SZT2: variants seen among roughly 807,000 people sequenced by gnomAD.
SZT2 encodes the protein KICSTOR complex protein SZT2.
In SZT2, 216 loss-of-function variants were observed where a neutral mutation model predicts 404.2. The observed-to-expected ratio is 0.53, with a 90% CI of 0.48 to 0.60. SZT2 has a LOEUF of 0.60. Among genes scored for constraint, SZT2 ranks in the 20% least tolerant of loss-of-function variants. SZT2 has a pLI of 0.00. For synonymous variants in SZT2, 1,693 were observed against 1,749.9 expected (o/e 0.97, Z 0.81); for missense variants, 3,857 against 4,459.2 (o/e 0.86, Z 3.85).
intron 62 of SZT2, chr1:43,445,500 A>C: frequency 3.5e-6 from 1 of 286,380 alleles, no homozygotes; most frequent in Non-Finnish European, 6.9e-6. Context: ...ATCCCCCCCA[A>C]TCAAAAGACA....
chr1:43,402,078 T>C (rs1366335726), intron 1 of SZT2, among the ~76,000 whole-genome samples: 2 of 152,232 alleles, frequency 1.3e-5, no homozygotes, highest in Admixed American at 1.3e-4. Context: ...AATTCTTCAC[T>C]TTCTTTCAAC....
chr1:43,429,773 C>A lies in SZT2; in HGVS notation c.4237C>A (p.Pro1413Thr), dbSNP rs369758668. 1.2e-6 allele frequency: 2 copies of A among 1,614,072 alleles called. No homozygotes were observed. Among genetic ancestry groups the A allele is most frequent in the African/African-American group, 2.7e-5 (2 of 74,942 alleles). ...TRVPGIPDPG[P>T]EISLTDVCQL... ...TGTCCCTGGCATTCCAGACCCTGGGCCAGAGATCTCTCTGACAGATGTCTG... is the reference window on the plus strand; with the variant it reads ...TGTCCCTGGCATTCCAGACCCTGGGACAGAGATCTCTCTGACAGATGTCTG... Residue 1413 changes from proline to threonine, a missense_variant, in exon 29 of 72, where the codon CCA (proline) becomes ACA (threonine). Physicochemically the swap from Pro to Thr is conservative, Grantham distance 38 (BLOSUM62 -1). Transcript: ENST00000634258.
At chr1:43,407,458 A>G (rs1392677717) in intron 4 of SZT2, among the ~76,000 whole-genome samples, 2 of 151,996 alleles carry the variant, frequency 1.3e-5, no homozygotes, top group Non-Finnish European at 2.9e-5. Flanking sequence ...AGAGGTTGCC[A>G]TGAGCCAAGA....
rs758551979 is a variant in SZT2 at position 43,403,603 on chromosome 1, T to C, written c.156T>C (p.Leu52=). ...TTTCTTTCCATCCTAATTTTCAGCTTCAGTCTGAACAGGAATTGGAAGTCC... is the reference window on the plus strand; with the variant it reads ...TTTCTTTCCATCCTAATTTTCAGCTCCAGTCTGAACAGGAATTGGAAGTCC... ...TVQATPQEML[L]QSEQELEVLS... is the part of the protein sequence containing the mutation. The change falls in exon 3 of 72, where the codon CTT becomes CTC. Residue 52 remains leucine, a splice_region_variant and synonymous_variant. Transcript: ENST00000634258. 1 of 1,609,396 alleles carries C rather than the reference T, an allele frequency of 6.2e-7. No homozygotes were observed. The highest frequency in any genetic ancestry group is 8.5e-7 in the Non-Finnish European group (1 of 1,176,162).
chr1:43,443,865 C>G (rs954903918), intron 62 of SZT2, 69 bp downstream of exon 62: 1 of 1,585,964 alleles, frequency 6.3e-7, no homozygotes, highest in Admixed American at 1.7e-5. Context: ...ACAGGCCCTT[C>G]CTCTCTTTAC....
intron 51 of SZT2, 54 bp downstream of exon 51, chr1:43,440,102 G>A: frequency 6.2e-7 from 1 of 1,605,444 alleles, no homozygotes; most frequent in Non-Finnish European, 8.5e-7. Flanking sequence ...ATCCAAGCAG[G>A]ACAGTGTGGC....
rs748315953 is a variant in SZT2 at position 43,452,360 on chromosome 1, C to T, written c.*1880C>T. 9 of 1,458,382 alleles carry T rather than the reference C, an allele frequency of 6.2e-6. No homozygotes were observed. Among genetic ancestry groups the T allele is most frequent in the Non-Finnish European group, 7.6e-6 (8 of 1,046,250 alleles). 90.3% of individuals were successfully genotyped at this position (1,458,382 alleles called of 1,614,324 possible). Reference sequence around the variant, plus strand: ...ACTGGAGGCCTTGCCTCCCTTGGCTCTCTCTGCACCTCTTCCAGGATTCCC... The same window carrying T: ...ACTGGAGGCCTTGCCTCCCTTGGCTTTCTCTGCACCTCTTCCAGGATTCCC... On this transcript the variant is annotated 3_prime_UTR_variant, in exon 72 of 72. Transcript: ENST00000634258.
Position 43,443,252 on chromosome 1 carries a change from C to G in SZT2, c.8484C>G (p.Ala2828=). The change falls in exon 60 of 72, where the codon GCC becomes GCG. Residue 2828 remains alanine, a synonymous_variant. Transcript: ENST00000634258. ...FVTWQQRSTP[A]TMPISAGELE... Reference sequence around the variant, plus strand: ...CCTGGCAGCAGCGTTCTACCCCAGCCACCATGCCCATCAGTGTGAGTGACC... The same window carrying G: ...CCTGGCAGCAGCGTTCTACCCCAGCGACCATGCCCATCAGTGTGAGTGACC... The G allele has an allele frequency of 6.2e-7, 1 of 1,614,194 alleles. No homozygotes were observed. Among genetic ancestry groups the G allele is most frequent in the Non-Finnish European group, 8.5e-7 (1 of 1,180,016 alleles).
In SZT2 at chr1:43,439,256, C is replaced by T. The variant is rs1654803196; in HGVS notation, c.6793-102C>T. ...TATTACCCGCCTGTGTCTTCTCATGCTCCCATATCTACCTGCACCACATTC... is the reference window on the plus strand; with the variant it reads ...TATTACCCGCCTGTGTCTTCTCATGTTCCCATATCTACCTGCACCACATTC... On this transcript the variant is annotated intron_variant, in intron 48 of 71. Coordinates refer to ENST00000634258, the MANE Select transcript of SZT2 (RefSeq NM_001365999.1). The surrounding 1 kb of genome is among the most constrained non-coding windows in gnomAD (Gnocchi z 4.2). 2 of 1,522,546 alleles carry T rather than the reference C, an allele frequency of 1.3e-6. No individual in the cohort carries two copies. Among genetic ancestry groups the T allele is most frequent in the Admixed American group, 1.7e-5 (1 of 59,374 alleles). The allele number at this position is 1,522,546 out of a possible 1,614,324, so 94.3% of individuals were successfully genotyped here.
In SZT2 at chr1:43,424,007, C is replaced by G. The variant is rs1215909636; in HGVS notation, c.2256-210C>G. 7.6e-5 allele frequency among the ~76,000 whole-genome samples: 8 copies of G among 105,086 alleles called. No homozygotes were observed. Among genetic ancestry groups the G allele is most frequent in the Admixed American group, 9.6e-5 (1 of 10,372 alleles). The allele number at this position is 105,086 out of a possible 152,430, so 68.9% of individuals were successfully genotyped here. A position where few individuals can be genotyped will look rare whatever the true frequency, so the allele number is the denominator to read the frequency against. ...GAGGCATGGAAGGGCGTGGCTTAGC[C>G]GGGTATGAGTGGTACAGAGGTGTGG... On this transcript the variant is annotated intron_variant, in intron 15 of 71. Transcript: ENST00000634258. The surrounding 1 kb of genome is among the most constrained non-coding windows in gnomAD (Gnocchi z 4.1).
rs1403496023 is a variant in SZT2, at chr1:43,425,212, G to A, written c.2645+5G>A. 1 of 1,614,010 alleles carries A rather than the reference G, an allele frequency of 6.2e-7. No individual in the cohort carries two copies. Among genetic ancestry groups the A allele is most frequent in the Non-Finnish European group, 8.5e-7 (1 of 1,180,008 alleles). ...CTCTACCTCCACCAAAGACAGGTGAGACAGGCCATCTGTGAGGGCCGCCTC... is the reference window on the plus strand; with the variant it reads ...CTCTACCTCCACCAAAGACAGGTGAAACAGGCCATCTGTGAGGGCCGCCTC... On this transcript the variant is annotated splice_donor_5th_base_variant and intron_variant, in intron 18 of 71. Transcript: ENST00000634258. The surrounding 1 kb of genome is among the most constrained non-coding windows in gnomAD (Gnocchi z 4.3).
chr1:43,440,481 T>C lies in SZT2; in HGVS notation c.7239T>C (p.Thr2413=). ...GTCTCAGGAACGGATCGTTGGAAACTAAGAGCTCTGCAGGCCGAGCTAGCA... is the reference window on the plus strand; with the variant it reads ...GTCTCAGGAACGGATCGTTGGAAACCAAGAGCTCTGCAGGCCGAGCTAGCA... The part of the protein sequence containing the change: ...TGSLRNGSLE[T]KSSAGRASTF... The change falls in exon 52 of 72, where the codon ACT becomes ACC. Residue 2413 remains threonine, a synonymous_variant. Coordinates refer to ENST00000634258, the MANE Select transcript of SZT2 (RefSeq NM_001365999.1). 1 of 1,603,520 alleles carries C rather than the reference T, an allele frequency of 6.2e-7. No individual in the cohort carries two copies. Among genetic ancestry groups the C allele is most frequent in the Non-Finnish European group, 8.5e-7 (1 of 1,175,388 alleles).
In SZT2 at chr1:43,403,633, T is replaced by C. The variant is rs747870250; in HGVS notation, c.186T>C (p.Ser62=). The change falls in exon 3 of 72, where the codon AGT becomes AGC. Residue 62 remains serine, a synonymous_variant. Coordinates refer to ENST00000634258, the MANE Select transcript of SZT2 (RefSeq NM_001365999.1). ...CTGAACAGGAATTGGAAGTCCTCAG[T>C]GTCCTGCCCCCTGGGTGGCAGCCAG... ...LQSEQELEVL[S]VLPPGWQPDE... 1 of 1,614,050 alleles carries C rather than the reference T, an allele frequency of 6.2e-7. No homozygotes were observed. The highest frequency in any genetic ancestry group is 8.5e-7 in the Non-Finnish European group (1 of 1,179,928).
In SZT2 at chr1:43,442,753, C is replaced by T; in HGVS notation, c.8152-66C>T. On this transcript the variant is annotated intron_variant, in intron 58 of 71. Coordinates refer to ENST00000634258, the MANE Select transcript of SZT2 (RefSeq NM_001365999.1). This position sits in a 1 kb window ranked among gnomAD's most constrained non-coding sequence, Gnocchi z 4.5. ...GGGAGGGAGAGTCTGAGAGAGGAAGCCCTGGGATGAGAGAGAGGGTCCGAG... is the reference window on the plus strand; with the variant it reads ...GGGAGGGAGAGTCTGAGAGAGGAAGTCCTGGGATGAGAGAGAGGGTCCGAG... The T allele has an allele frequency of 6.5e-7, 1 of 1,540,148 alleles. No individual in the cohort carries two copies. The highest frequency in any genetic ancestry group is 8.7e-7 in the Non-Finnish European group (1 of 1,144,322).
Position 43,427,057 on chromosome 1 carries a change from G to A in SZT2, c.3311G>A (p.Ser1104Asn). 3 of 1,614,218 alleles carry A rather than the reference G, an allele frequency of 1.9e-6. No individual in the cohort carries two copies. The highest frequency in any genetic ancestry group is 2.5e-6 in the Non-Finnish European group (3 of 1,180,036). The change falls in exon 24 of 72, where the codon AGT becomes AAT. Residue 1104 changes from serine (S) to asparagine (N), a missense_variant and splice_region_variant. Ser to Asn is a conservative substitution (Grantham distance 46). Transcript: ENST00000634258. The part of the protein sequence containing the change: ...ATGDSAFTSL[S>N]VGLPETLKPL... ...CTAATTTCTGTTTTTCTCTTACAGA[G>A]TGTAGGTCTTCCTGAAACTCTCAAG...
chr1:43,426,837 C>T lies in SZT2; in HGVS notation c.3309+28C>T. ...CAGCACCGATTCTTCTCCCTGAGCC[C>T]TTGTCACACTGACCTCCTTCCAGCA... On this transcript the variant is annotated intron_variant, in intron 23 of 71. Coordinates refer to ENST00000634258, the MANE Select transcript of SZT2 (RefSeq NM_001365999.1). This position sits in a 1 kb window ranked among gnomAD's most constrained non-coding sequence, Gnocchi z 4.9. The T allele has an allele frequency of 1.2e-6, 2 of 1,606,264 alleles. No homozygotes were observed. Among genetic ancestry groups the T allele is most frequent in the Non-Finnish European group, 1.7e-6 (2 of 1,174,094 alleles).
Position 43,431,415 on chromosome 1 carries a change from A to G in SZT2, c.5024+43A>G, listed in dbSNP as rs537223405. The G allele has an allele frequency of 1.4e-5, 23 of 1,613,660 alleles. No individual in the cohort carries two copies. In the South Asian group the frequency reaches 1.9e-4, roughly 13 times the overall value. On this transcript the variant is annotated intron_variant, in intron 34 of 71. Coordinates refer to ENST00000634258, the MANE Select transcript of SZT2 (RefSeq NM_001365999.1). ...TGTCAGAGTTCATTACTGCTTTTCA[A>G]TTTCATTTTCTGGAAACCAATATCT...
rs934093100 is a variant in SZT2 at position 43,419,862 on chromosome 1, G to T, written c.1008G>T (p.Leu336=). The change falls in exon 8 of 72, where the codon CTG becomes CTT. Residue 336 remains leucine (L), a synonymous_variant. Coordinates refer to ENST00000634258, the MANE Select transcript of SZT2 (RefSeq NM_001365999.1). ...GTCCTGAGCCGGAGCCAGGCAACCTGGGTCTGACTGTCTACCACCGGGCAT... is the reference window on the plus strand; with the variant it reads ...GTCCTGAGCCGGAGCCAGGCAACCTTGGTCTGACTGTCTACCACCGGGCAT... ...STCPEPEPGN[L]GLTVYHRAFL... 10 of 1,598,428 alleles carry T rather than the reference G, an allele frequency of 6.3e-6. No homozygotes were observed. Among genetic ancestry groups the T allele is most frequent in the Non-Finnish European group, 8.5e-6 (10 of 1,179,784 alleles).
At chr1:43,400,867 C>T (rs969578690) in intron 1 of SZT2, among the ~76,000 whole-genome samples, 1 of 150,264 alleles carries the variant, frequency 6.7e-6, no homozygotes, top group South Asian at 2.1e-4. Flanking sequence ...AGCAAAACTC[C>T]GTCTCAAAAA....
Sources: gnomAD v4.1 joint callset for allele counts (sites outside exome capture counted in the v4.1 genomes callset) on GRCh38, gnomAD v4.1.1 for gene constraint, Gnocchi (gnomAD v3.1) non-coding constraint, MANE v1.5 for transcripts, NCBI Gene and HGNC (gene_info 2026-07-23, HGNC 2026-07-21) for gene names.